LAMA1: variants seen among roughly 807,000 people sequenced by gnomAD.
The protein encoded by LAMA1 is laminin subunit alpha-1.
A neutral mutation model predicts 348.7 loss-of-function variants in LAMA1; 219 were observed. The observed-to-expected ratio is 0.63, with a 90% CI of 0.56 to 0.70. The LOEUF is 0.70. LAMA1 is among the 30% of genes least tolerant of loss of function. LAMA1 has a pLI of 0.00. For missense variants in LAMA1, 3,744 were observed against 3,888.0 expected, an observed-to-expected ratio of 0.96 and a Z score of 0.99; for synonymous variants, 1,487 against 1,491.0, an observed-to-expected ratio of 1.00 and a Z score of 0.06.
intron 3 of LAMA1, among the ~76,000 whole-genome samples, chr18:7,064,831 A>C (rs60570557): frequency 0.021 from 3,274 of 152,308 alleles, 119 homozygotes; most frequent in African/African-American, 0.074. Context: ...AAAAATTCTT[A>C]AATTATATGA....
intron 54 of LAMA1, among the ~76,000 whole-genome samples, 153 bp downstream of exon 54, chr18:6,959,188 T>C (rs1259151995): frequency 3.3e-5 from 5 of 152,154 alleles, no homozygotes; most frequent in African/African-American, 1.2e-4. Context: ...TGAAACTGGT[T>C]CCCAGGAAAG....
intron 32 of LAMA1, 71 bp downstream of exon 32, chr18:6,999,374 C>T (rs1382952524): frequency 1.3e-5 from 19 of 1,471,766 alleles, no homozygotes; most frequent in Admixed American, 3.4e-5. Context: ...TTTAGCGTGC[C>T]GTCACCACTT....
rs1007849590 is a variant in LAMA1 at position 7,043,292 on chromosome 18, A to G, written c.1090T>C (p.Cys364Arg). Reference protein sequence around the residue: ...QFRGGGVCINCLQNTMGINCE... With the variant: ...QFRGGGVCINRLQNTMGINCE... ...TTGATTCCCATGGTGTTCTGCAAGC[A>G]ATTTATGCAAACCCCTCCTCCTCTG... is the stretch of plus-strand genomic sequence containing the variant. Residue 364 changes from cysteine (C) to arginine (R), a missense_variant, in exon 8 of 63, where the codon TGC becomes CGC. Physicochemically the swap from Cys to Arg is radical, Grantham distance 180. Around this residue, in one of 3 missense-constraint regions of LAMA1, gnomAD observed 1,529 missense variants for 1,689.4 expected, o/e 0.91. Transcript: ENST00000389658. 6.2e-7 allele frequency: 1 copy of G among 1,613,996 alleles called. No individual in the cohort carries two copies. The highest frequency in any genetic ancestry group is 8.5e-7 in the Non-Finnish European group (1 of 1,180,006).
intron 19 of LAMA1, among the ~76,000 whole-genome samples, chr18:7,020,991 G>A (rs892558046): frequency 3.9e-5 from 6 of 152,124 alleles, no homozygotes; most frequent in African/African-American, 1.4e-4. Context: ...AGACCCTTCC[G>A]ACGTGGCTGC....
intron 1 of LAMA1, 68 bp from the exon 2 acceptor site, chr18:7,080,525 A>T: frequency 6.6e-7 from 1 of 1,513,772 alleles, no homozygotes; most frequent in South Asian, 1.2e-5. Context: ...ACCCCATCCC[A>T]CTTGGTAGGT....
chr18:7,113,368 T>C (rs913498630), intron 1 of LAMA1, among the ~76,000 whole-genome samples: 1 of 152,194 alleles, frequency 6.6e-6, no homozygotes, highest in African/African-American at 2.4e-5. Context: ...CCCAGCCTCC[T>C]TGCTTTACCC....
chr18:7,099,200 T>TGTCC (rs1161111226), intron 1 of LAMA1, among the ~76,000 whole-genome samples: 5 of 151,262 alleles, frequency 3.3e-5, no homozygotes. Context: ...ACATGTGCTG[T>TGTCC]GTCCACTCAG....
At chr18:6,983,765 A>G (rs1283521492) in intron 39 of LAMA1, among the ~76,000 whole-genome samples, 1 of 152,212 alleles carries the variant, frequency 6.6e-6, no homozygotes, top group Non-Finnish European at 1.5e-5. Context: ...CATTCTAACA[A>G]GTGGGCACAT....
At chr18:7,071,598 C>A (rs181107973) in intron 3 of LAMA1, among the ~76,000 whole-genome samples, 1 of 152,274 alleles carries the variant, frequency 6.6e-6, no homozygotes, top group East Asian at 1.9e-4. Context: ...GATGCGTAAG[C>A]CATATAGAAA....
chr18:7,098,190 G>A (rs867286652), intron 1 of LAMA1, among the ~76,000 whole-genome samples: 6 of 151,542 alleles, frequency 4.0e-5, no homozygotes, highest in Admixed American at 1.3e-4. Flanking sequence ...GCGTGATCTC[G>A]GCTCGCTACA....
At chr18:6,989,368 G>T (rs940372795) in intron 36 of LAMA1, among the ~76,000 whole-genome samples, 7 of 152,118 alleles carry the variant, frequency 4.6e-5, no homozygotes, top group Non-Finnish European at 8.8e-5. Context: ...TCTGAATGTG[G>T]TGTTAGTTCT....
At chr18:6,984,864 T>C (rs532033661) in intron 39 of LAMA1, among the ~76,000 whole-genome samples, 3 of 152,172 alleles carry the variant, frequency 2.0e-5, no homozygotes, top group African/African-American at 7.2e-5. Context: ...AGGCAAGATC[T>C]GTAAAGAAAT....
chr18:6,991,083 G>A (rs943218054), intron 36 of LAMA1, among the ~76,000 whole-genome samples: 4 of 152,116 alleles, frequency 2.6e-5, no homozygotes, highest in South Asian at 4.2e-4. Flanking sequence ...TTCCCCCTGC[G>A]CAAGGCCTTT....
At chr18:7,025,191 T>G (rs887111939) in intron 17 of LAMA1, among the ~76,000 whole-genome samples, 4 of 152,178 alleles carry the variant, frequency 2.6e-5, no homozygotes, top group African/African-American at 9.6e-5. Context: ...TATAAGACCT[T>G]GCCTGGTACA....
At chr18:6,955,930 G>T (rs1463112594) in intron 56 of LAMA1, 7 of 325,808 alleles carry the variant, frequency 2.1e-5, no homozygotes, top group African/African-American at 4.3e-5. Context: ...ACACTGACAG[G>T]GCAGGATGCA....
chr18:7,037,301 A>G (rs1203498521), intron 12 of LAMA1, among the ~76,000 whole-genome samples: 1 of 152,204 alleles, frequency 6.6e-6, no homozygotes, highest in Non-Finnish European at 1.5e-5. Flanking sequence ...CCAGGGACCC[A>G]GAAAGTTTAT....
In LAMA1 at chr18:6,969,899, T is replaced by C. The variant is rs183758708; in HGVS notation, c.6899+1958A>G. Among the ~76,000 whole-genome samples the C allele has an allele frequency of 1.6e-3, 237 of 152,296 alleles. 8 individuals carry two copies. In the East Asian group the frequency reaches 0.034, roughly 22 times the overall value. On this transcript the variant is annotated intron_variant, in intron 48 of 62. Coordinates refer to ENST00000389658, the MANE Select transcript of LAMA1 (RefSeq NM_005559.4). Reference sequence around the variant, plus strand: ...ATTCATTCAGTGCTGTAGCTTGACGTCAATGATTTCAAAATACCTCTGGAA... The same window carrying C: ...ATTCATTCAGTGCTGTAGCTTGACGCCAATGATTTCAAAATACCTCTGGAA...
chr18:7,105,488 G>C (rs1215465561), intron 1 of LAMA1, among the ~76,000 whole-genome samples: 1 of 149,326 alleles, frequency 6.7e-6, no homozygotes, highest in African/African-American at 2.5e-5. Context: ...AAACAAACAA[G>C]AGCAGAAGAG....
chr18:7,080,791 T>C (rs1453617001), intron 1 of LAMA1, among the ~76,000 whole-genome samples: 2 of 152,176 alleles, frequency 1.3e-5, no homozygotes, highest in South Asian at 4.1e-4. Flanking sequence ...ATAGAATGAG[T>C]ACACCTAAGT....
Sources: gnomAD v4.1 joint callset for allele counts (sites outside exome capture counted in the v4.1 genomes callset) on GRCh38, gnomAD v4.1.1 for gene constraint, gnomAD v4.1.1 regional missense constraint, MANE v1.5 for transcripts, NCBI Gene and HGNC (gene_info 2026-07-23, HGNC 2026-07-21) for gene names.